Variants in B4GALNT4 observed in about 807,000 individuals in gnomAD.
The protein encoded by B4GALNT4 is N-acetyl-beta-glucosaminyl-glycoprotein 4-beta-N-acetylgalactosaminyltransferase 1.
In B4GALNT4, 77 loss-of-function variants were observed where a neutral mutation model predicts 110.0. The observed-to-expected ratio is 0.70, with a 90% CI of 0.58 to 0.85. The LOEUF is 0.85. B4GALNT4 is among the 40% of genes least tolerant of loss of function. The pLI is 0.00. For synonymous variants in B4GALNT4, 785 were observed against 655.5 expected, an observed-to-expected ratio of 1.20 and a Z score of -3.02; for missense variants, 1,575 against 1,506.0, an observed-to-expected ratio of 1.05 and a Z score of -0.76.
Position 380,175 on chromosome 11 carries a change from G to T in B4GALNT4, c.2688G>T (p.Gly896=), listed in dbSNP as rs1846844263. 1 of 1,603,632 alleles carries T rather than the reference G, an allele frequency of 6.2e-7. No homozygotes were observed. The highest frequency in any genetic ancestry group is 1.7e-4 in the Middle Eastern group (1 of 6,034). The part of the protein sequence containing the change: ...RRTGNFERSA[G]LQAGVDAVED... ...CCGGGAACTTCGAGCGCTCCGCCGG[G>T]CTGCAGGCGGGAGTGGACGCGGTAG... is the stretch of plus-strand genomic sequence containing the variant. The change falls in exon 17 of 20, where the codon GGG becomes GGT. Residue 896 remains glycine, a synonymous_variant. Coordinates refer to ENST00000329962, the MANE Select transcript of B4GALNT4 (RefSeq NM_178537.5).
rs772491399 is a variant in B4GALNT4 at position 380,225 on chromosome 11, G to A, written c.2715+23G>A. On this transcript the variant is annotated intron_variant, in intron 17 of 19. Coordinates refer to ENST00000329962, the MANE Select transcript of B4GALNT4 (RefSeq NM_178537.5). ...GAGGTCCGAGGGCCCCATGGGGGTC[G>A]GGGAGCAAAACGGGGCGTGCCCGGG... is the stretch of plus-strand genomic sequence containing the variant. The A allele has an allele frequency of 3.1e-6, 5 of 1,605,386 alleles. No individual in the cohort carries two copies. Among genetic ancestry groups the A allele is most frequent in the Non-Finnish European group, 3.4e-6 (4 of 1,174,380 alleles).
At chr11:374,408 G>A (rs1846683080) in intron 8 of B4GALNT4, among the ~76,000 whole-genome samples, 1 of 151,418 alleles carries the variant, frequency 6.6e-6, no homozygotes, top group East Asian at 2.0e-4. Flanking sequence ...CCTGGTGGGT[G>A]TGGGGGGCAG....
At chr11:372,369 C>A (rs138928255) in intron 2 of B4GALNT4, among the ~76,000 whole-genome samples, 157 bp downstream of exon 2, 3 of 152,204 alleles carry the variant, frequency 2.0e-5, no homozygotes, top group African/African-American at 7.2e-5. Flanking sequence ...TGTGTGAGCT[C>A]CAGCACCAGC....
In B4GALNT4 at chr11:380,438, C is replaced by G; in HGVS notation, c.2862C>G (p.Asp954Glu). ...MRLSCGSSPR[D>E]PHGYWEVNGF... is the part of the protein sequence containing the mutation. The stretch of plus-strand genomic sequence containing the variant: ...TGAGCTGCGGGAGCTCGCCCCGGGA[C>G]CCCCACGGTGAGGCCCCGAGCGTCC... Residue 954 changes from aspartate (D) to glutamate (E), a missense_variant, in exon 18 of 20, where the codon GAC becomes GAG. By Grantham distance (45) the Asp-to-Glu change is conservative. Transcript: ENST00000329962. The G allele has an allele frequency of 6.3e-7, 1 of 1,599,388 alleles. No homozygotes were observed. The highest frequency in any genetic ancestry group is 1.1e-5 in the South Asian group (1 of 89,764).
intron 15 of B4GALNT4, 37 bp from the exon 16 acceptor site, chr11:379,829 C>T (rs1262839430): frequency 1.3e-6 from 2 of 1,559,640 alleles, no homozygotes; most frequent in South Asian, 1.2e-5. Context: ...GTAGAGTCAG[C>T]GTCGGCTCAG....
chr11:373,404 G>A (rs7396812), intron 6 of B4GALNT4, 45 bp from the exon 7 acceptor site: 273,492 of 1,121,572 alleles, frequency 0.24, 45,149 homozygotes, highest in African/African-American at 0.52. Flanking sequence ...CAGGGAGAGA[G>A]TGAACCCCCC....
intron 14 of B4GALNT4, among the ~76,000 whole-genome samples, chr11:379,078 G>A (rs1037938688): frequency 2.6e-5 from 4 of 152,200 alleles, no homozygotes; most frequent in Non-Finnish European, 4.4e-5. Context: ...TCCTATGGGC[G>A]GTGGCTAACT....
At chr11:378,181 G>T (rs1846799814) in intron 14 of B4GALNT4, among the ~76,000 whole-genome samples, 1 of 152,164 alleles carries the variant, frequency 6.6e-6, no homozygotes, top group African/African-American at 2.4e-5. Flanking sequence ...GAGGATGGAG[G>T]CACAGCTGCA....
chr11:377,025 G>T lies in B4GALNT4; in HGVS notation c.1902G>T (p.Val634=). Residue 634 remains valine, a synonymous_variant, in exon 14 of 20, where the codon GTG becomes GTT. Coordinates refer to ENST00000329962, the MANE Select transcript of B4GALNT4 (RefSeq NM_178537.5). ...PVTSFLSLSQ[V]SGPQLPGEGE... is the part of the protein sequence containing the mutation. ...CCTCCTTCCTGAGCTTGTCCCAGGT[G>T]TCCGGGCCGCAGCTGCCCGGGGAGG... is the stretch of plus-strand genomic sequence containing the variant. 2 of 1,441,448 alleles carry T rather than the reference G, an allele frequency of 1.4e-6. No homozygotes were observed. Among genetic ancestry groups the T allele is most frequent in the Non-Finnish European group, 9.1e-7 (1 of 1,100,058 alleles). The allele number at this position is 1,441,448 out of a possible 1,614,324, so 89.3% of individuals were successfully genotyped here.
In B4GALNT4 at chr11:380,121, C is replaced by T. The variant is rs767683219; in HGVS notation, c.2643-9C>T. 1.3e-6 allele frequency: 2 copies of T among 1,599,394 alleles called. No individual in the cohort carries two copies. Among genetic ancestry groups the T allele is most frequent in the African/African-American group, 1.3e-5 (1 of 74,622 alleles). On this transcript the variant is annotated splice_polypyrimidine_tract_variant and intron_variant, in intron 16 of 19. Coordinates refer to ENST00000329962, the MANE Select transcript of B4GALNT4 (RefSeq NM_178537.5). ...CCCAGAGATCGTGCCTGTGACTCGC[C>T]CTCCCCAGGTACCAGTACCTGAGAC...
chr11:380,259 G>C, intron 17 of B4GALNT4, 33 bp from the exon 18 acceptor site: 1 of 1,609,884 alleles, frequency 6.2e-7, no homozygotes, highest in Non-Finnish European at 8.5e-7. Flanking sequence ...GGGAGGAGCG[G>C]AGGGCGGGGC....
rs774400785 is a variant in B4GALNT4, at chr11:376,456, G to C, written c.1333G>C (p.Asp445His). ...CGACGAGGACGAGGGGGAGCTGCTC[G>C]ACAGCCTGGAGCCCACCGAGGCGGC... Reference protein sequence around the residue: ...LDDEDEGELLDSLEPTEAAPP... With the variant: ...LDDEDEGELLHSLEPTEAAPP... Residue 445 changes from aspartate to histidine, a missense_variant, in exon 14 of 20, where the codon GAC (aspartate) becomes CAC (histidine). Transcript: ENST00000329962. 21 of 1,595,298 alleles carry C rather than the reference G, an allele frequency of 1.3e-5. No individual in the cohort carries two copies. Among genetic ancestry groups the C allele is most frequent in the Non-Finnish European group, 1.6e-5 (19 of 1,178,280 alleles).
In B4GALNT4 at chr11:376,749, G is replaced by C; in HGVS notation, c.1626G>C (p.Ala542=). The part of the protein sequence containing the change: ...PGQRASPRAP[A]PRAPWPPFPG... ...AGCGGGCATCCCCCCGGGCCCCAGC[G>C]CCGCGTGCGCCCTGGCCGCCCTTCC... is the stretch of plus-strand genomic sequence containing the variant. The change falls in exon 14 of 20, where the codon GCG becomes GCC. Residue 542 remains alanine, a synonymous_variant. Coordinates refer to ENST00000329962, the MANE Select transcript of B4GALNT4 (RefSeq NM_178537.5). The C allele has an allele frequency of 7.2e-7, 1 of 1,391,064 alleles. No homozygotes were observed. The highest frequency in any genetic ancestry group is 3.3e-5 in the East Asian group (1 of 30,550). 86.2% of individuals were successfully genotyped at this position (1,391,064 alleles called of 1,614,324 possible). A position where few individuals can be genotyped will look rare whatever the true frequency, so the allele number is the denominator to read the frequency against.
At chr11:374,090 C>T (rs148515125) in intron 8 of B4GALNT4, among the ~76,000 whole-genome samples, 90 of 151,418 alleles carry the variant, frequency 5.9e-4, no homozygotes, top group African/African-American at 1.9e-3. Context: ...GGGTGTACGG[C>T]GGATGAATTC....
At chr11:379,290 C>T in intron 14 of B4GALNT4, 128 bp from the exon 15 acceptor site, 1 of 1,056,052 alleles carries the variant, frequency 9.5e-7, no homozygotes, top group South Asian at 1.8e-5. Flanking sequence ...GGGGCAGGTG[C>T]TGTGCCGCGG....
intron 14 of B4GALNT4, among the ~76,000 whole-genome samples, chr11:377,739 G>A (rs1452532566): frequency 1.3e-5 from 2 of 152,228 alleles, no homozygotes; most frequent in African/African-American, 4.8e-5. Flanking sequence ...AGACCCCTGG[G>A]CCCCTCCTCC....
Position 369,700 on chromosome 11 carries a change from G to T in B4GALNT4, c.-104G>T. 11 of 550,130 alleles carry T rather than the reference G, an allele frequency of 2.0e-5. No homozygotes were observed. The highest frequency in any genetic ancestry group is 2.5e-5 in the Non-Finnish European group (11 of 436,000). The allele number at this position is 550,130 out of a possible 1,614,324, so 34.1% of individuals were successfully genotyped here. A position where few individuals can be genotyped will look rare whatever the true frequency, so the allele number is the denominator to read the frequency against. On this transcript the variant is annotated 5_prime_UTR_variant, in exon 1 of 20. Coordinates refer to ENST00000329962, the MANE Select transcript of B4GALNT4 (RefSeq NM_178537.5). Reference sequence around the variant, plus strand: ...CAAAGGACCATGCGGGGCCGCGGGCGCTGAGCGCGGCGGGGCGGGCCGGGG... The same window carrying T: ...CAAAGGACCATGCGGGGCCGCGGGCTCTGAGCGCGGCGGGGCGGGCCGGGG...
At position 375,932 on chromosome 11, in the gene B4GALNT4, C is replaced by T. The variant is rs988906886; in HGVS notation, c.1071C>T (p.Ile357=). ...APTYVVKDFP[I]ARYQGLQFVY... ...CCTACGTGGTCAAGGACTTCCCGAT[C>T]GCCAGATACCAGGGCCTGCAATTTG... The change falls in exon 11 of 20, where the codon ATC becomes ATT. Residue 357 remains isoleucine, a synonymous_variant. Transcript: ENST00000329962. 25 of 1,611,916 alleles carry T rather than the reference C, an allele frequency of 1.6e-5. No homozygotes were observed. The East Asian group carries it at 2.2e-4, about 14-fold the overall frequency.
chr11:379,466 G>C lies in B4GALNT4; in HGVS notation c.2253G>C (p.Ser751=), dbSNP rs576184429. 1 of 1,557,342 alleles carries C rather than the reference G, an allele frequency of 6.4e-7. No homozygotes were observed. Among genetic ancestry groups the C allele is most frequent in the South Asian group, 1.2e-5 (1 of 86,076 alleles). ...RIVNVEKRRD[S]ARGSRFLLEL... is the part of the protein sequence containing the mutation. Reference sequence around the variant, plus strand: ...TGAACGTGGAGAAGCGCCGGGACTCGGCGCGAGGGAGTCGCTTCCTGCTGG... The same window carrying C: ...TGAACGTGGAGAAGCGCCGGGACTCCGCGCGAGGGAGTCGCTTCCTGCTGG... Residue 751 remains serine (S), a synonymous_variant, in exon 15 of 20, where the codon TCG becomes TCC. Transcript: ENST00000329962.
Sources: allele counts gnomAD v4.1 joint callset (sites outside exome capture counted in the v4.1 genomes callset), GRCh38; gene constraint gnomAD v4.1.1; transcripts MANE v1.5; gene names NCBI Gene and HGNC (gene_info 2026-07-23, HGNC 2026-07-21).